The following SUMF1 variants were observed in gnomAD, a reference collection of about 807,000 sequenced individuals.
SUMF1 encodes the protein formylglycine-generating enzyme.
SUMF1 carries 48 observed loss-of-function variants against 47.6 expected under a neutral mutation model. That is an observed-to-expected ratio of 1.01 (90% CI 0.80 to 1.28). The LOEUF (loss-of-function observed/expected upper bound fraction) is 1.28, where lower values mean the gene tolerates loss of function less well. SUMF1 is among the 50% of genes most tolerant of loss of function. The pLI is 0.00. For synonymous variants in SUMF1, 230 were observed against 192.1 expected (o/e 1.20, Z -1.63); for missense variants, 571 against 485.4 (o/e 1.18, Z -1.66).
chr3:4,268,154 CAT>C (rs1293500493), intron 8 of SUMF1, among the ~76,000 whole-genome samples: 2 of 152,034 alleles, frequency 1.3e-5, no homozygotes, highest in East Asian at 3.9e-4. Context: ...CCAAACACCG[CAT>C]ATTCTCACTC....
In SUMF1 at chr3:4,151,897, G is replaced by C. The variant is rs186186040; in HGVS notation, c.1015-83152C>G. On this transcript the variant is annotated intron_variant and NMD_transcript_variant, in intron 8 of 12. Coordinates refer to the SUMF1 transcript ENST00000448413. ...TAACTGACCTTCCCATGTAAGCATGGTAAATAGCCATTTCTATCATCTCAA... is the reference window on the plus strand; with the variant it reads ...TAACTGACCTTCCCATGTAAGCATGCTAAATAGCCATTTCTATCATCTCAA... 3.4e-4 allele frequency among the ~76,000 whole-genome samples: 52 copies of C among 151,500 alleles called. 2 individuals are homozygous for C. The highest frequency in any genetic ancestry group is 1.2e-3 in the African/African-American group (51 of 40,876).
At chr3:4,191,265 G>A (rs780355019) in intron 8 of SUMF1, among the ~76,000 whole-genome samples, 13 of 152,082 alleles carry the variant, frequency 8.5e-5, no homozygotes, top group Non-Finnish European at 1.8e-4. Flanking sequence ...TATGTGGGTT[G>A]GAGAGAGGGC....
chr3:4,301,753 A>C (rs1697971725), intron 8 of SUMF1, among the ~76,000 whole-genome samples: 1 of 152,226 alleles, frequency 6.6e-6, no homozygotes, highest in African/African-American at 2.4e-5. Context: ...TGGCAGAAGA[A>C]GTCAATTCAG....
chr3:4,163,606 A>T (rs565603266), intron 8 of SUMF1, among the ~76,000 whole-genome samples: 51 of 151,378 alleles, frequency 3.4e-4, no homozygotes, highest in African/African-American at 1.2e-3. Flanking sequence ...CTGTAAAGGA[A>T]CAGTCTTCCA....
chr3:4,132,717 C>T (rs1469791285), intron 8 of SUMF1, among the ~76,000 whole-genome samples: 1 of 152,106 alleles, frequency 6.6e-6, no homozygotes. Flanking sequence ...ACACTTTGGG[C>T]TCCTCCGACC....
chr3:4,393,053 G>A (rs767749637), intron 7 of SUMF1, among the ~76,000 whole-genome samples: 7 of 152,202 alleles, frequency 4.6e-5, no homozygotes, highest in South Asian at 2.1e-4. Flanking sequence ...CCCTGCTTAT[G>A]TTTAGTTTCC....
chr3:4,252,033 A>T lies in SUMF1; in HGVS notation c.1014+124297T>A, dbSNP rs544994323. On this transcript the variant is annotated intron_variant and NMD_transcript_variant, in intron 8 of 12. Coordinates refer to the SUMF1 transcript ENST00000448413. ...ATTTGTTGTGCTGGTCTGAAACCAA[A>T]CCTGCAATATCTGCAAGGTATGCCT... Among the ~76,000 whole-genome samples, 101 of 152,274 alleles carry T rather than the reference A, an allele frequency of 6.6e-4. 1 individual carries two copies. The highest frequency in any genetic ancestry group is 1.2e-3 in the Admixed American group (18 of 15,290).
chr3:4,368,785 C>T (rs1700072517), intron 8 of SUMF1, among the ~76,000 whole-genome samples: 1 of 152,180 alleles, frequency 6.6e-6, no homozygotes, highest in Non-Finnish European at 1.5e-5. Flanking sequence ...CCACAGATTA[C>T]TTCAAAAGCC....
Position 4,452,982 on chromosome 3 carries a change from T to C in SUMF1, c.338A>G (p.Glu113Gly). 1 of 1,614,106 alleles carries C rather than the reference T, an allele frequency of 6.2e-7. No individual in the cohort carries two copies. Among genetic ancestry groups the C allele is most frequent in the Non-Finnish European group, 8.5e-7 (1 of 1,180,038 alleles). ...AATAGTAACTCTCCTCGCAGGTGCT[T>C]CCCCATCCTGCTTTATCTGAGGATC... ...TDDPQIKQDG[E>G]APARRVTIDA... The change falls in exon 2 of 9, where the codon GAA becomes GGA. Residue 113 changes from glutamate (E) to glycine (G), a missense_variant. Glu to Gly is a moderately conservative substitution (Grantham distance 98). Coordinates refer to ENST00000272902, the MANE Select transcript of SUMF1 (RefSeq NM_182760.4).
At chr3:4,265,974 T>G (rs1357951503) in intron 8 of SUMF1, among the ~76,000 whole-genome samples, 1 of 152,112 alleles carries the variant, frequency 6.6e-6, no homozygotes, top group East Asian at 1.9e-4. Context: ...CAGCACCATT[T>G]ATTAAATAGG....
intron 6 of SUMF1, 119 bp from the exon 7 acceptor site, chr3:4,411,097 ACAGT>A: frequency 4.5e-6 from 4 of 888,770 alleles, no homozygotes; most frequent in Non-Finnish European, 7.4e-6. Flanking sequence ...TTTTATTCCA[ACAGT>A]CAAAGTACAA....
intron 8 of SUMF1, among the ~76,000 whole-genome samples, chr3:4,337,061 C>G (rs1699167622): frequency 6.6e-6 from 1 of 152,172 alleles, no homozygotes. Context: ...GTCCTGGTTT[C>G]TCTTTTAGAT....
intron 8 of SUMF1, among the ~76,000 whole-genome samples, chr3:4,116,348 T>C (rs570401659): frequency 6.6e-6 from 1 of 152,268 alleles, no homozygotes; most frequent in African/African-American, 2.4e-5. Context: ...GGTTCTCCTC[T>C]CTTTATTGCG....
intron 8 of SUMF1, among the ~76,000 whole-genome samples, chr3:4,103,928 C>G (rs1481923480): frequency 6.6e-6 from 1 of 152,152 alleles, no homozygotes; most frequent in Non-Finnish European, 1.5e-5. Flanking sequence ...GATGATAACA[C>G]AGAGTTTACT....
downstream of SUMF1, among the ~76,000 whole-genome samples, chr3:4,359,309 G>C (rs1699690352): frequency 6.6e-6 from 1 of 152,088 alleles, no homozygotes; most frequent in Non-Finnish European, 1.5e-5. Context: ...ACAGGGTCTT[G>C]CTCTGTTGCC....
chr3:4,417,608 C>G (rs1227816311), intron 5 of SUMF1, among the ~76,000 whole-genome samples: 1 of 152,180 alleles, frequency 6.6e-6, no homozygotes, highest in African/African-American at 2.4e-5. Flanking sequence ...TTTTAAGGAG[C>G]CTTTCCTAGA....
intron 8 of SUMF1, among the ~76,000 whole-genome samples, chr3:4,169,875 G>C: frequency 6.6e-6 from 1 of 152,306 alleles, no homozygotes; most frequent in East Asian, 1.9e-4. Flanking sequence ...CAAAAGCCTC[G>C]TTAAAAGAAC....
In SUMF1 at chr3:4,290,215, CTCAG is replaced by C. The variant is rs1185881479; in HGVS notation, c.1014+86111_1014+86114del. ...TTCCATCTTTTGTCAAACATATTCA[CTCAG>C]TCATTTTACAACTGCCTATGTACTC... On this transcript the variant is annotated intron_variant and NMD_transcript_variant, in intron 8 of 12. Coordinates refer to the SUMF1 transcript ENST00000448413. 4.6e-5 allele frequency among the ~76,000 whole-genome samples: 7 copies of C among 152,306 alleles called. No homozygotes were observed. The East Asian group carries it at 9.6e-4, about 21-fold the overall frequency.
intron 8 of SUMF1, among the ~76,000 whole-genome samples, chr3:4,363,227 TATG>T (rs1301116858): frequency 1.3e-5 from 2 of 152,294 alleles, no homozygotes; most frequent in South Asian, 2.1e-4. Flanking sequence ...AAATAATATT[TATG>T]ATATTATTTA....
Sources: allele counts gnomAD v4.1 joint callset (sites outside exome capture counted in the v4.1 genomes callset), GRCh38; gene constraint gnomAD v4.1.1; transcripts MANE v1.5; gene names NCBI Gene and HGNC (gene_info 2026-07-23, HGNC 2026-07-21).